Variants in ZNF804A observed in about 807,000 individuals in gnomAD.
The protein encoded by ZNF804A is zinc finger protein 804A.
ZNF804A carries 2 observed loss-of-function variants against 16.5 expected under a neutral mutation model. That is an observed-to-expected ratio of 0.12 (90% CI 0.05 to 0.38). ZNF804A has a LOEUF of 0.38. Ranked by LOEUF, ZNF804A falls within the 10% of genes least tolerant of loss-of-function variation. ZNF804A has a pLI of 0.99. For synonymous variants in ZNF804A, 534 were observed against 489.6 expected (o/e 1.09, Z -1.20); for missense variants, 1,473 against 1,390.7 (o/e 1.06, Z -0.94).
chr2:184,665,754 C>A (rs879379339), intron 1 of ZNF804A, among the ~76,000 whole-genome samples: 1 of 152,180 alleles, frequency 6.6e-6, no homozygotes, highest in Non-Finnish European at 1.5e-5. Flanking sequence ...TTGACAGGCC[C>A]CTGGGGGCTG....
chr2:184,600,545 TA>T (rs1403207885), intron 1 of ZNF804A, among the ~76,000 whole-genome samples: 1 of 152,162 alleles, frequency 6.6e-6, no homozygotes, highest in Non-Finnish European at 1.5e-5. Flanking sequence ...AAAAGGAAGG[TA>T]AAATTTTGGG....
At chr2:184,829,437 A>AT (rs1240904196) in intron 1 of ZNF804A, among the ~76,000 whole-genome samples, 2 of 151,796 alleles carry the variant, frequency 1.3e-5, no homozygotes, top group Non-Finnish European at 2.9e-5. Flanking sequence ...AAGAATTGCT[A>AT]TTTTTTTATT....
At chr2:184,655,120 T>A (rs929012578) in intron 1 of ZNF804A, among the ~76,000 whole-genome samples, 8 of 152,220 alleles carry the variant, frequency 5.3e-5, no homozygotes, top group African/African-American at 7.2e-5. Context: ...CTTACAGGCT[T>A]TTCTATTTAT....
intron 1 of ZNF804A, among the ~76,000 whole-genome samples, chr2:184,753,704 A>G (rs73978095): frequency 0.09 from 13,623 of 151,768 alleles, 2,054 homozygotes; most frequent in African/African-American, 0.31. Context: ...TCTAAATCCA[A>G]TTTAGTAATC....
At chr2:184,649,222 CT>C (rs1437240192) in intron 1 of ZNF804A, among the ~76,000 whole-genome samples, 1 of 151,920 alleles carries the variant, frequency 6.6e-6, no homozygotes, top group Non-Finnish European at 1.5e-5. Context: ...TTAAAAAAAT[CT>C]TTGAATAAAT....
chr2:184,898,174 T>C (rs1685119407), intron 2 of ZNF804A, among the ~76,000 whole-genome samples: 1 of 152,164 alleles, frequency 6.6e-6, no homozygotes, highest in Non-Finnish European at 1.5e-5. Flanking sequence ...GTGTTATTAA[T>C]GTATATACAG....
intron 2 of ZNF804A, among the ~76,000 whole-genome samples, chr2:184,877,266 A>T (rs60186429): frequency 1.3e-5 from 2 of 151,990 alleles, no homozygotes; most frequent in Non-Finnish European, 2.9e-5. Flanking sequence ...TGAATTTATT[A>T]TATCCTTTAT....
chr2:184,624,925 G>A (rs1050197714), intron 1 of ZNF804A, among the ~76,000 whole-genome samples: 6 of 152,034 alleles, frequency 3.9e-5, no homozygotes, highest in African/African-American at 7.2e-5. Flanking sequence ...CTGCTTCTGC[G>A]TATTGAGTTC....
chr2:184,680,299 C>T (rs1445935469), intron 1 of ZNF804A, among the ~76,000 whole-genome samples: 1 of 152,180 alleles, frequency 6.6e-6, no homozygotes, highest in Admixed American at 6.5e-5. Flanking sequence ...GAGGACTTGC[C>T]TATGGAGAGG....
chr2:184,933,818 C>A, intron 3 of ZNF804A, 85 bp downstream of exon 3: 1 of 1,334,988 alleles, frequency 7.5e-7, no homozygotes, highest in Non-Finnish European at 1.0e-6. Context: ...GGGCACAAAT[C>A]TATTTATTAC....
chr2:184,849,475 A>G (rs1695570113), intron 1 of ZNF804A, among the ~76,000 whole-genome samples: 1 of 152,040 alleles, frequency 6.6e-6, no homozygotes, highest in Non-Finnish European at 1.5e-5. Context: ...CTAGTATTAT[A>G]TGAAAAAATG....
intron 1 of ZNF804A, among the ~76,000 whole-genome samples, chr2:184,679,319 C>T (rs577636333): frequency 6.6e-6 from 1 of 152,218 alleles, no homozygotes; most frequent in African/African-American, 2.4e-5. Context: ...ATTGCGATGG[C>T]AGCGGGGACC....
intron 1 of ZNF804A, among the ~76,000 whole-genome samples, chr2:184,729,604 G>A (rs916237157): frequency 2.6e-5 from 4 of 152,034 alleles, no homozygotes; most frequent in African/African-American, 9.7e-5. Context: ...GCAAATCATT[G>A]AATGCAAAGT....
chr2:184,643,706 A>G (rs1156662656), intron 1 of ZNF804A, among the ~76,000 whole-genome samples: 1 of 151,636 alleles, frequency 6.6e-6, no homozygotes, highest in African/African-American at 2.4e-5. Flanking sequence ...TGTACATGTA[A>G]ATTATAGGTA....
At chr2:184,744,825 C>A (rs1209743297) in intron 1 of ZNF804A, among the ~76,000 whole-genome samples, 2 of 151,840 alleles carry the variant, frequency 1.3e-5, no homozygotes, top group Non-Finnish European at 2.9e-5. Context: ...AAACAACTAT[C>A]CGTATAAATA....
intron 1 of ZNF804A, among the ~76,000 whole-genome samples, chr2:184,789,310 T>A (rs1040460381): frequency 6.6e-6 from 1 of 152,098 alleles, no homozygotes; most frequent in Non-Finnish European, 1.5e-5. Flanking sequence ...TGGTTGTGTT[T>A]TTGCCTGATT....
At chr2:184,796,216 G>T (rs549622383) in intron 1 of ZNF804A, among the ~76,000 whole-genome samples, 1 of 151,966 alleles carries the variant, frequency 6.6e-6, no homozygotes, top group Non-Finnish European at 1.5e-5. Context: ...TGGTATTAGG[G>T]TGATACTGAC....
At chr2:184,859,333 T>G (rs1477116401) in intron 1 of ZNF804A, among the ~76,000 whole-genome samples, 3 of 152,104 alleles carry the variant, frequency 2.0e-5, no homozygotes, top group Admixed American at 6.5e-5. Context: ...TTTTTAAATA[T>G]TCTTTTTTGA....
chr2:184,762,211 C>CTTTT (rs35871982), intron 1 of ZNF804A, among the ~76,000 whole-genome samples: 1 of 137,930 alleles, frequency 7.3e-6, no homozygotes. Context: ...CTTTTCTTTT[C>CTTTT]TTTTTTTTTT....
Sources: allele counts gnomAD v4.1 joint callset (sites outside exome capture counted in the v4.1 genomes callset), GRCh38; gene constraint gnomAD v4.1.1; transcripts MANE v1.5; gene names NCBI Gene and HGNC (gene_info 2026-07-23, HGNC 2026-07-21).